GPHN: variants seen among roughly 807,000 people sequenced by gnomAD.
GPHN encodes the protein gephyrin.
In GPHN, 17 loss-of-function variants were observed where a neutral mutation model predicts 95.5. That is an observed-to-expected ratio of 0.18 (90% CI 0.12 to 0.27). GPHN has a LOEUF of 0.27. Ranked by LOEUF, GPHN falls within the 10% of genes least tolerant of loss-of-function variation. The pLI, the probability that GPHN is intolerant of heterozygous loss-of-function variation, is 1.00. For missense variants in GPHN, 660 were observed against 978.1 expected (o/e 0.67, Z 4.34); for synonymous variants, 320 against 322.5 (o/e 0.99, Z 0.08).
the GPHN span, among the ~76,000 whole-genome samples, chr14:67,355,298 T>C: frequency 6.6e-6 from 1 of 151,584 alleles, no homozygotes; most frequent in African/African-American, 2.4e-5. Context: ...GTCTCCTCAC[T>C]TCCTTGTTTC....
chr14:67,251,750 G>A, the GPHN span, among the ~76,000 whole-genome samples: 1 of 152,176 alleles, frequency 6.6e-6, no homozygotes, highest in African/African-American at 2.4e-5. Flanking sequence ...AGCATAGAGA[G>A]TCTTTTGTTT....
the GPHN span, among the ~76,000 whole-genome samples, chr14:67,526,299 T>C: frequency 1.4e-5 from 2 of 139,446 alleles, no homozygotes; most frequent in African/African-American, 2.5e-5. Context: ...AAAGGATCCT[T>C]GACTTGCAGC....
intron 16 of GPHN, among the ~76,000 whole-genome samples, chr14:67,116,699 A>T (rs1595211568): frequency 6.6e-6 from 1 of 152,216 alleles, no homozygotes; most frequent in East Asian, 1.9e-4. Context: ...ACAGGTTTTA[A>T]GCCAATCAAA....
At chr14:67,009,450 T>G (rs1226429346) in intron 9 of GPHN, among the ~76,000 whole-genome samples, 4 of 152,140 alleles carry the variant, frequency 2.6e-5, no homozygotes, top group Admixed American at 1.3e-4. Flanking sequence ...GTCAAAAGAC[T>G]ATTTATAAAT....
the GPHN span, chr14:67,382,733 A>AC: frequency 3.0e-5 from 27 of 886,000 alleles, no homozygotes; most frequent in South Asian, 3.8e-4. Context: ...TGTTAGGGTC[A>AC]CCCCCCGTCC....
At chr14:67,259,288 A>C in the GPHN span, among the ~76,000 whole-genome samples, 1 of 152,048 alleles carries the variant, frequency 6.6e-6, no homozygotes, top group Admixed American at 6.6e-5. Context: ...AAAGTGAATG[A>C]AAGTAAAAAA....
intron 1 of GPHN, among the ~76,000 whole-genome samples, chr14:66,531,845 GGGT>G (rs2058954875): frequency 6.6e-6 from 1 of 152,170 alleles, no homozygotes; most frequent in African/African-American, 2.4e-5. Context: ...CTGTATGACA[GGGT>G]TTTCAAAACT....
At chr14:66,848,720 C>T (rs10130604) in intron 4 of GPHN, among the ~76,000 whole-genome samples, 49,325 of 151,602 alleles carry the variant, frequency 0.33, 12,775 homozygotes, top group African/African-American at 0.7. Context: ...TTTTTAATAA[C>T]AGAGTTTTAA....
At chr14:67,058,962 CT>C in intron 11 of GPHN, 176 bp downstream of exon 11, 1 of 648,814 alleles carries the variant, frequency 1.5e-6, no homozygotes, top group Non-Finnish European at 2.7e-6. Context: ...AGGGTTCAGC[CT>C]TAACAGTATA....
At chr14:67,734,707 C>G in the GPHN span, among the ~76,000 whole-genome samples, 5 of 152,108 alleles carry the variant, frequency 3.3e-5, no homozygotes, top group Non-Finnish European at 5.9e-5. Context: ...AATCTGGCAC[C>G]CAAAAGGAAA....
chr14:66,845,462 T>C (rs184407862), intron 4 of GPHN, among the ~76,000 whole-genome samples: 127 of 152,246 alleles, frequency 8.3e-4, no homozygotes, highest in African/African-American at 2.6e-3. Context: ...TCTTGGATGA[T>C]TGTAAGAAAA....
chr14:67,349,785 T>C, the GPHN span, among the ~76,000 whole-genome samples: 7 of 152,324 alleles, frequency 4.6e-5, no homozygotes, highest in African/African-American at 9.6e-5. Flanking sequence ...ACACTATTGA[T>C]TGATCTCCAC....
chr14:67,500,201 T>C, the GPHN span, among the ~76,000 whole-genome samples: 2 of 151,984 alleles, frequency 1.3e-5, no homozygotes, highest in Non-Finnish European at 2.9e-5. Flanking sequence ...ATAGGCCATA[T>C]GCGGTGGCTT....
the GPHN span, among the ~76,000 whole-genome samples, chr14:67,296,255 A>G: frequency 6.6e-6 from 1 of 152,280 alleles, no homozygotes; most frequent in South Asian, 2.1e-4. Flanking sequence ...TGAGAGAGAA[A>G]GCCTGGCAAA....
the GPHN span, chr14:67,395,624 A>G: frequency 6.3e-7 from 1 of 1,588,216 alleles, no homozygotes; most frequent in South Asian, 1.1e-5. Flanking sequence ...ACTCAGGCAG[A>G]GCAAGAGGAC....
the GPHN span, chr14:67,656,497 G>A: frequency 6.2e-7 from 1 of 1,613,892 alleles, no homozygotes; most frequent in Non-Finnish European, 8.5e-7. Flanking sequence ...CAGTCTCTGT[G>A]GCAATCCGAT....
At chr14:66,660,533 A>G (rs957506300) in intron 1 of GPHN, among the ~76,000 whole-genome samples, 2 of 152,138 alleles carry the variant, frequency 1.3e-5, no homozygotes, top group Non-Finnish European at 2.9e-5. Flanking sequence ...TCATCAAAGA[A>G]TGTCGTAATT....
At chr14:67,270,265 C>T in the GPHN span, 1 of 152,140 alleles carries the variant, frequency 6.6e-6, no homozygotes, top group Non-Finnish European at 1.5e-5. Context: ...TTCTCCCTTA[C>T]TAGTTTGAGG....
intron 1 of GPHN, among the ~76,000 whole-genome samples, chr14:66,651,209 A>T (rs2065025571): frequency 6.6e-6 from 1 of 152,206 alleles, no homozygotes; most frequent in East Asian, 1.9e-4. Context: ...TTTCAGTGAC[A>T]CAGAAAGGGT....
Sources: allele counts gnomAD v4.1 joint callset (sites outside exome capture counted in the v4.1 genomes callset), GRCh38; gene constraint gnomAD v4.1.1; transcripts MANE v1.5; gene names NCBI Gene and HGNC (gene_info 2026-07-23, HGNC 2026-07-21).